The following SH3KBP1 variants were observed in gnomAD, a reference collection of about 807,000 sequenced individuals.
The protein encoded by SH3KBP1 is SH3 domain containing kinase binding protein 1, also known as SH3 domain-containing kinase-binding protein 1.
A neutral mutation model predicts 50.1 loss-of-function variants in SH3KBP1; 8 were observed. The ratio of observed to expected loss-of-function variants is 0.16; its 90% CI spans 0.09 to 0.29. SH3KBP1 has a LOEUF of 0.29. SH3KBP1 is among the 10% of genes least tolerant of loss of function. The probability of loss-of-function intolerance (pLI) is 1.00; values close to 1 mark genes in which losing one functional copy is unlikely to be tolerated. For synonymous variants in SH3KBP1, 227 were observed against 218.6 expected, an observed-to-expected ratio of 1.04 and a Z score of -0.34; for missense variants, 377 against 535.2, an observed-to-expected ratio of 0.70 and a Z score of 2.92.
intron 2 of SH3KBP1, among the ~76,000 whole-genome samples, chrX:19,814,499 C>A (rs1037820883): frequency 1.8e-5 from 2 of 111,318 alleles, no homozygotes; most frequent in African/African-American, 6.5e-5. Flanking sequence ...CCTCTTCCCT[C>A]CGGCAGTGGT....
chrX:19,802,458 T>C (rs187669049), intron 2 of SH3KBP1, among the ~76,000 whole-genome samples: 2 of 111,341 alleles, frequency 1.8e-5, no homozygotes, highest in East Asian at 5.7e-4. Flanking sequence ...CTTTCCTCCA[T>C]CCACATGTGA....
intron 3 of SH3KBP1, among the ~76,000 whole-genome samples, chrX:19,736,069 G>A (rs1422390971): frequency 1.8e-5 from 2 of 111,368 alleles, no homozygotes; most frequent in Non-Finnish European, 3.8e-5. Context: ...TCCTGGAGAA[G>A]GTGCCATGTG....
intron 2 of SH3KBP1, among the ~76,000 whole-genome samples, chrX:19,784,263 G>A (rs767518277): frequency 2.4e-4 from 27 of 111,705 alleles, no homozygotes; most frequent in Non-Finnish European, 4.1e-4. Context: ...TAAGACTTCC[G>A]ATGAGATTCA....
At chrX:19,571,666 G>A (rs1359294713) in intron 12 of SH3KBP1, among the ~76,000 whole-genome samples, 1 of 111,666 alleles carries the variant, frequency 9.0e-6, no homozygotes, top group East Asian at 2.8e-4. Flanking sequence ...CAGAAGGATT[G>A]GGTGCTGCCA....
chrX:19,699,212 C>T (rs2063489350), intron 4 of SH3KBP1, among the ~76,000 whole-genome samples: 1 of 112,377 alleles, frequency 8.9e-6, no homozygotes, highest in African/African-American at 3.2e-5. Context: ...GAGGCAGTTA[C>T]AGAGCCTGAA....
chrX:19,789,642 C>T (rs2066471253), intron 2 of SH3KBP1, among the ~76,000 whole-genome samples: 1 of 108,529 alleles, frequency 9.2e-6, no homozygotes, highest in South Asian at 4.1e-4. Context: ...TGGATTAAGG[C>T]CTACCCTAAT....
In SH3KBP1 at chrX:19,647,232, C is replaced by G. The variant is rs749515975; in HGVS notation, c.727-1757G>C. On this transcript the variant is annotated intron_variant, in intron 6 of 17. Transcript: ENST00000397821. Reference sequence around the variant, plus strand: ...CACTGAACAAAGAATTCAGGAAAGGCAATAGTAAACACTGTCCCTACTCCT... The same window carrying G: ...CACTGAACAAAGAATTCAGGAAAGGGAATAGTAAACACTGTCCCTACTCCT... Among the ~76,000 whole-genome samples the G allele has an allele frequency of 5.6e-5, 6 of 106,394 alleles. No individual in the cohort carries two copies. In the East Asian group the frequency reaches 8.9e-4, roughly 16 times the overall value. 92.4% of individuals were successfully genotyped at this position (106,394 alleles called of 115,157 possible). A position where few individuals can be genotyped will look rare whatever the true frequency, so the allele number is the denominator to read the frequency against.
chrX:19,651,041 A>T (rs1482733753), intron 6 of SH3KBP1, among the ~76,000 whole-genome samples: 1 of 111,008 alleles, frequency 9.0e-6, no homozygotes, highest in African/African-American at 3.3e-5. Context: ...CTCACTGTAA[A>T]CTTTTTATAT....
intron 2 of SH3KBP1, among the ~76,000 whole-genome samples, chrX:19,829,890 G>C (rs1467356089): frequency 1.8e-5 from 2 of 110,877 alleles, no homozygotes; most frequent in Non-Finnish European, 3.8e-5. Flanking sequence ...TCCAAGAAAG[G>C]GGTGGGCAAT....
At chrX:19,853,490 G>A (rs770660227) in intron 1 of SH3KBP1, among the ~76,000 whole-genome samples, 24 of 111,246 alleles carry the variant, frequency 2.2e-4, no homozygotes, top group Non-Finnish European at 4.5e-4. Flanking sequence ...GTACCTAAAG[G>A]GTGGAAGCAC....
At chrX:19,835,812 G>A (rs1057262231) in intron 2 of SH3KBP1, among the ~76,000 whole-genome samples, 2 of 108,665 alleles carry the variant, frequency 1.8e-5, no homozygotes, top group African/African-American at 3.4e-5. Context: ...TCAAACTTCC[G>A]ACCTCAAGTG....
At chrX:19,736,948 C>T (rs777338356) in intron 3 of SH3KBP1, among the ~76,000 whole-genome samples, 1 of 105,497 alleles carries the variant, frequency 9.5e-6, no homozygotes, top group East Asian at 3.0e-4. Flanking sequence ...GCTCTGTCAC[C>T]CAGGCTGGAG....
chrX:19,660,425 C>G (rs1239789618), intron 6 of SH3KBP1, among the ~76,000 whole-genome samples: 2 of 112,067 alleles, frequency 1.8e-5, no homozygotes, highest in African/African-American at 6.5e-5. Flanking sequence ...CAAGAAGCAA[C>G]TTTTACAAGA....
chrX:19,538,717 G>C (rs1192257002), intron 16 of SH3KBP1, among the ~76,000 whole-genome samples: 1 of 110,127 alleles, frequency 9.1e-6, no homozygotes, highest in Non-Finnish European at 1.9e-5. Flanking sequence ...CTCCCGAGGA[G>C]CTGGGATTAC....
At chrX:19,687,013 A>C (rs780901317) in intron 5 of SH3KBP1, among the ~76,000 whole-genome samples, 1 of 112,446 alleles carries the variant, frequency 8.9e-6, no homozygotes, top group East Asian at 2.8e-4. Flanking sequence ...AACTGTTCTA[A>C]GGGCATCTCA....
chrX:19,819,954 ACTT>A lies in SH3KBP1; in HGVS notation c.162+16168_162+16170del, dbSNP rs769297671. 2.7e-5 allele frequency among the ~76,000 whole-genome samples: 3 copies of A among 111,182 alleles called. No homozygotes were observed. In the East Asian group the frequency reaches 8.5e-4, roughly 31 times the overall value. On this transcript the variant is annotated intron_variant, in intron 2 of 17. Coordinates refer to ENST00000397821, the MANE Select transcript of SH3KBP1 (RefSeq NM_031892.3). Reference sequence around the variant, plus strand: ...TATGTGTTTGTTTAATCTTTTTGAGACTTCTTCTTTGACCTGTGGATTATTTAG... The same window carrying A: ...TATGTGTTTGTTTAATCTTTTTGAGACTTCTTTGACCTGTGGATTATTTAG...
chrX:19,607,998 T>A lies in SH3KBP1; in HGVS notation c.945A>T (p.Arg315=), dbSNP rs1235255678. ...TCACGAAGTTATCGGGGAACACGCC[T>A]CGTCTGCCGTTCAGCTCTCCTTCCC... ...GWWEGELNGR[R]GVFPDNFVKL... The change falls in exon 9 of 18, where the codon CGA becomes CGT. Residue 315 remains arginine (R), a synonymous_variant. Coordinates refer to ENST00000397821, the MANE Select transcript of SH3KBP1 (RefSeq NM_031892.3). 4.1e-6 allele frequency: 5 copies of A among 1,211,476 alleles called. No individual in the cohort carries two copies. Among genetic ancestry groups the A allele is most frequent in the Non-Finnish European group, 5.6e-6 (5 of 895,308 alleles).
intron 16 of SH3KBP1, among the ~76,000 whole-genome samples, chrX:19,539,954 G>T (rs369801384): frequency 3.6e-5 from 4 of 111,405 alleles, no homozygotes; most frequent in Non-Finnish European, 7.5e-5. Context: ...GTGGCAGCCC[G>T]GAAGCACAGG....
At chrX:19,567,261 G>A (rs1292738928) in intron 13 of SH3KBP1, among the ~76,000 whole-genome samples, 1 of 108,239 alleles carries the variant, frequency 9.2e-6, no homozygotes, top group Non-Finnish European at 1.9e-5. Flanking sequence ...GCTCACAGCT[G>A]TAATCCCGGA....
Sources: allele counts gnomAD v4.1 joint callset (sites outside exome capture counted in the v4.1 genomes callset), GRCh38; gene constraint gnomAD v4.1.1; transcripts MANE v1.5; gene names NCBI Gene and HGNC (gene_info 2026-07-23, HGNC 2026-07-21).